ERBB4: variants seen among roughly 807,000 people sequenced by gnomAD.
ERBB4 encodes the protein erb-b2 receptor tyrosine kinase 4.
A neutral mutation model predicts 158.0 loss-of-function variants in ERBB4; 42 were observed. That is an observed-to-expected ratio of 0.27 (90% CI 0.21 to 0.34). The LOEUF is 0.34. ERBB4 is among the 10% of genes least tolerant of loss of function. ERBB4 has a pLI of 1.00. For synonymous variants in ERBB4, 583 were observed against 558.7 expected, an observed-to-expected ratio of 1.04 and a Z score of -0.61; for missense variants, 1,333 against 1,624.1, an observed-to-expected ratio of 0.82 and a Z score of 3.08.
intron 16 of ERBB4, among the ~76,000 whole-genome samples, chr2:211,655,566 T>C (rs1217744663): frequency 6.6e-6 from 1 of 152,192 alleles, no homozygotes; most frequent in Non-Finnish European, 1.5e-5. Flanking sequence ...ACGGAACACT[T>C]AACCACTGTA....
At chr2:212,201,843 G>A (rs905604337) in intron 1 of ERBB4, among the ~76,000 whole-genome samples, 1 of 152,146 alleles carries the variant, frequency 6.6e-6, no homozygotes, top group Non-Finnish European at 1.5e-5. Flanking sequence ...GAACTGCCAT[G>A]ACTACCATAA....
chr2:211,707,012 C>A (rs761446937), intron 9 of ERBB4, among the ~76,000 whole-genome samples: 1 of 152,096 alleles, frequency 6.6e-6, no homozygotes. Flanking sequence ...CTCTGCAGTA[C>A]AAGAATAAGC....
At chr2:211,474,407 G>GTA (rs1471874993) in intron 20 of ERBB4, among the ~76,000 whole-genome samples, 4 of 151,948 alleles carry the variant, frequency 2.6e-5, no homozygotes, top group Non-Finnish European at 5.9e-5. Flanking sequence ...ATGATAAGTG[G>GTA]TATAGCCAGG....
At chr2:211,857,048 G>A (rs1281364066) in intron 3 of ERBB4, among the ~76,000 whole-genome samples, 2 of 151,988 alleles carry the variant, frequency 1.3e-5, no homozygotes, top group African/African-American at 4.8e-5. Flanking sequence ...TTGTTAAAAT[G>A]TATATCTTGA....
rs1308032960 is a variant in ERBB4, at chr2:211,377,310, A to AT, written c.*6304dup. 4.3e-6 allele frequency: 1 copy of AT among 233,098 alleles called. No individual in the cohort carries two copies. The highest frequency in any genetic ancestry group is 8.5e-6 in the Non-Finnish European group (1 of 117,736). The allele number at this position is 233,098 out of a possible 1,614,324, so 14.4% of individuals were successfully genotyped here. On this transcript the variant is annotated 3_prime_UTR_variant, in exon 28 of 28. Coordinates refer to ENST00000342788, the MANE Select transcript of ERBB4 (RefSeq NM_005235.3). Reference sequence around the variant, plus strand: ...TGGGGGAAATATCTACGCATTGGGGATAAAAATAGCAGTAAAGGCAAAGTG... The same window carrying AT: ...TGGGGGAAATATCTACGCATTGGGGATTAAAAATAGCAGTAAAGGCAAAGTG...
chr2:211,841,410 A>G (rs535097540), intron 3 of ERBB4, among the ~76,000 whole-genome samples: 1 of 152,204 alleles, frequency 6.6e-6, no homozygotes, highest in South Asian at 2.1e-4. Flanking sequence ...TGTGCCTGAC[A>G]ATAACATCAT....
At chr2:212,377,633 C>A (rs1374132941) in intron 1 of ERBB4, among the ~76,000 whole-genome samples, 1 of 151,902 alleles carries the variant, frequency 6.6e-6, no homozygotes, top group Non-Finnish European at 1.5e-5. Context: ...CTAGGAGTTG[C>A]TCTAGGTGAG....
intron 20 of ERBB4, among the ~76,000 whole-genome samples, chr2:211,494,300 G>A (rs1034965888): frequency 6.6e-6 from 1 of 152,014 alleles, no homozygotes; most frequent in Non-Finnish European, 1.5e-5. Flanking sequence ...ACCGCACCCC[G>A]CCGGACTCCC....
At chr2:211,741,224 A>C (rs928085457) in intron 5 of ERBB4, among the ~76,000 whole-genome samples, 2 of 152,138 alleles carry the variant, frequency 1.3e-5, no homozygotes, top group African/African-American at 4.8e-5. Flanking sequence ...AGACACAAAT[A>C]ATTCAGAATA....
At chr2:211,620,954 A>C (rs2069578008) in intron 18 of ERBB4, among the ~76,000 whole-genome samples, 1 of 152,054 alleles carries the variant, frequency 6.6e-6, no homozygotes. Context: ...AAAAAATAAA[A>C]AAATTTAAAA....
chr2:211,569,290 C>T (rs578170872), intron 19 of ERBB4, among the ~76,000 whole-genome samples: 6 of 152,236 alleles, frequency 3.9e-5, no homozygotes, highest in African/African-American at 7.2e-5. Context: ...TCTTCCACTC[C>T]GGATTACACT....
intron 7 of ERBB4, among the ~76,000 whole-genome samples, chr2:211,719,989 G>A (rs931335877): frequency 6.6e-6 from 1 of 151,936 alleles, no homozygotes; most frequent in Non-Finnish European, 1.5e-5. Context: ...CATAAACATT[G>A]TTTTTGATGA....
At chr2:211,677,225 A>C (rs2072111009) in intron 13 of ERBB4, among the ~76,000 whole-genome samples, 1 of 152,204 alleles carries the variant, frequency 6.6e-6, no homozygotes, top group Non-Finnish European at 1.5e-5. Context: ...CATGAGGCAC[A>C]TGAGGAAATG....
At chr2:211,744,085 T>C (rs1225816462) in intron 5 of ERBB4, among the ~76,000 whole-genome samples, 1 of 152,226 alleles carries the variant, frequency 6.6e-6, no homozygotes, top group African/African-American at 2.4e-5. Context: ...TTAAGTTGAA[T>C]GAGTTTGTTT....
At chr2:211,653,530 G>T (rs1177679051) in intron 16 of ERBB4, among the ~76,000 whole-genome samples, 5 of 141,216 alleles carry the variant, frequency 3.5e-5, no homozygotes, top group Non-Finnish European at 6.0e-5. Context: ...AATATAATGG[G>T]GTGGAAGGAC....
intron 12 of ERBB4, 108 bp from the exon 13 acceptor site, chr2:211,679,292 G>T: frequency 7.7e-7 from 1 of 1,299,350 alleles, no homozygotes; most frequent in Non-Finnish European, 1.1e-6. Flanking sequence ...AGAGATATAT[G>T]GCAAATGACT....
At chr2:211,740,804 G>T (rs578194820) in intron 5 of ERBB4, among the ~76,000 whole-genome samples, 1 of 151,832 alleles carries the variant, frequency 6.6e-6, no homozygotes, top group Non-Finnish European at 1.5e-5. Flanking sequence ...TGGAGACGGG[G>T]TTTCACTGTG....
At chr2:211,945,086 CA>C (rs2080643023) in intron 3 of ERBB4, among the ~76,000 whole-genome samples, 1 of 152,102 alleles carries the variant, frequency 6.6e-6, no homozygotes, top group African/African-American at 2.4e-5. Context: ...TTCCGAAGCA[CA>C]AAAACAATCT....
At chr2:212,061,453 C>CAAAAAA (rs754237880) in intron 2 of ERBB4, among the ~76,000 whole-genome samples, 2 of 22,830 alleles carry the variant, frequency 8.8e-5, no homozygotes, top group African/African-American at 3.0e-4. Flanking sequence ...ACTCTGTCTC[C>CAAAAAA]AAAAAAAAAA....
Sources: gnomAD v4.1 joint callset for allele counts (sites outside exome capture counted in the v4.1 genomes callset) on GRCh38, gnomAD v4.1.1 for gene constraint, MANE v1.5 for transcripts, NCBI Gene and HGNC (gene_info 2026-07-23, HGNC 2026-07-21) for gene names.